SIDT1: variants seen among roughly 807,000 people sequenced by gnomAD.
The protein encoded by SIDT1 is SID1 transmembrane family member 1.
Under a neutral mutation model 107.5 loss-of-function variants are expected in SIDT1, and 101 were observed. The ratio of observed to expected loss-of-function variants is 0.94; its 90% confidence interval spans 0.80 to 1.11. The LOEUF (loss-of-function observed/expected upper bound fraction) is 1.11, where lower values mean the gene tolerates loss of function less well. Ranked by LOEUF, SIDT1 falls within the 50% of genes least tolerant of loss-of-function variation. The pLI, the probability that SIDT1 is intolerant of heterozygous loss-of-function variation, is 0.00. For missense variants in SIDT1, 1,076 were observed against 1,058.2 expected (o/e 1.02, Z -0.23); for synonymous variants, 395 against 398.2 (o/e 0.99, Z 0.10).
chr3:113,626,865 A>G lies in SIDT1; in HGVS notation c.2421+650A>G, dbSNP rs536197644. On this transcript the variant is annotated intron_variant, in intron 24 of 24. Coordinates refer to ENST00000264852, the MANE Select transcript of SIDT1 (RefSeq NM_017699.3). ...GGTTCAATTGACAATTAACAACCCT[A>G]CTAGACTCCCGGGCTCCAGACCTAC... Among the ~76,000 whole-genome samples the G allele has an allele frequency of 1.5e-3, 230 of 152,236 alleles. 1 individual carries two copies. Among genetic ancestry groups the G allele is most frequent in the African/African-American group, 5.1e-3 (213 of 41,530 alleles).
rs117646590 is a variant in SIDT1 at position 113,580,970 on chromosome 3, T to C, written c.663+261T>C. Among the ~76,000 whole-genome samples the C allele has an allele frequency of 7.6e-4, 116 of 152,294 alleles. 1 individual carries two copies. The East Asian group carries it at 0.02, about 27-fold the overall frequency. On this transcript the variant is annotated intron_variant, in intron 5 of 24. Coordinates refer to ENST00000264852, the MANE Select transcript of SIDT1 (RefSeq NM_017699.3). ...GGAGGGAGGAAGCAGGGAAGGATTG[T>C]AACAAGGAACCAGGAAGACCAAGTT...
chr3:113,538,625 T>A (rs572841303), intron 1 of SIDT1, among the ~76,000 whole-genome samples: 1 of 152,362 alleles, frequency 6.6e-6, no homozygotes, highest in South Asian at 2.1e-4. Flanking sequence ...CTTTACCATT[T>A]TAATGTAGTT....
chr3:113,606,710 T>C (rs1162897739), intron 14 of SIDT1: 3 of 203,568 alleles, frequency 1.5e-5, no homozygotes, highest in Admixed American at 1.1e-4. Context: ...TAAGACATAG[T>C]GTGACAGTCC....
chr3:113,613,824 A>G (rs1463599511), intron 19 of SIDT1, among the ~76,000 whole-genome samples: 2 of 152,248 alleles, frequency 1.3e-5, no homozygotes, highest in Non-Finnish European at 2.9e-5. Context: ...GCCTTATGCA[A>G]TTTTGCAATG....
At chr3:113,615,964 A>G in intron 19 of SIDT1, 136 bp from the exon 20 acceptor site, 1 of 726,802 alleles carries the variant, frequency 1.4e-6, no homozygotes, top group East Asian at 2.5e-5. Context: ...TTGCGCACCT[A>G]TTAGGTGCAA....
chr3:113,632,472 AC>A (rs2107896032), downstream of SIDT1, among the ~76,000 whole-genome samples: 1 of 152,350 alleles, frequency 6.6e-6, no homozygotes, highest in African/African-American at 2.4e-5. Context: ...CTTTGAGGAA[AC>A]AGGACATATT....
In SIDT1 at chr3:113,626,110, G is replaced by A. The variant is rs769723872; in HGVS notation, c.2316G>A (p.Pro772=). ...FQNLSSWEGT[P]AESREKNREC... Reference sequence around the variant, plus strand: ...GCCTCACCTTCCTCCAGGGAACTCCGGCCGAATCCCGGGAGAAGAACCGCG... The same window carrying A: ...GCCTCACCTTCCTCCAGGGAACTCCAGCCGAATCCCGGGAGAAGAACCGCG... Residue 772 remains proline, a synonymous_variant, in exon 24 of 25, where the codon CCG becomes CCA. Transcript: ENST00000264852. 1.9e-5 allele frequency: 31 copies of A among 1,613,420 alleles called. No homozygotes were observed. Among genetic ancestry groups the A allele is most frequent in the South Asian group, 3.3e-5 (3 of 91,070 alleles).
At chr3:113,549,048 C>T (rs1939917877) in intron 1 of SIDT1, among the ~76,000 whole-genome samples, 1 of 152,108 alleles carries the variant, frequency 6.6e-6, no homozygotes. Flanking sequence ...AAATGTAAAA[C>T]ATTAAGGTTC....
chr3:113,606,938 G>A, intron 14 of SIDT1, 103 bp from the exon 15 acceptor site: 1 of 742,738 alleles, frequency 1.3e-6, no homozygotes, highest in Non-Finnish European at 2.5e-6. Context: ...TTGTAAACTA[G>A]TGACAGTGCA....
chr3:113,569,115 G>A (rs1942204800), intron 3 of SIDT1, among the ~76,000 whole-genome samples: 1 of 137,504 alleles, frequency 7.3e-6, no homozygotes, highest in South Asian at 2.3e-4. Context: ...CTCCAGCCTG[G>A]GTGAAGGAGT....
intron 1 of SIDT1, among the ~76,000 whole-genome samples, chr3:113,556,939 C>T (rs1940939644): frequency 6.7e-6 from 1 of 149,256 alleles, no homozygotes; most frequent in Admixed American, 6.8e-5. Flanking sequence ...CCTGTCTCAG[C>T]CTTCCGAGTA....
intron 1 of SIDT1, among the ~76,000 whole-genome samples, chr3:113,556,433 G>T (rs1940864529): frequency 6.6e-6 from 1 of 152,186 alleles, no homozygotes; most frequent in Non-Finnish European, 1.5e-5. Context: ...GAGCTGCTTT[G>T]CTCAGGGGCA....
At chr3:113,620,306 G>C (rs1347063900) in intron 21 of SIDT1, among the ~76,000 whole-genome samples, 1 of 150,776 alleles carries the variant, frequency 6.6e-6, no homozygotes, top group Non-Finnish European at 1.5e-5. Context: ...CATGGCCTTT[G>C]TTCCTCAAAT....
At chr3:113,550,386 G>A (rs1028804673) in intron 1 of SIDT1, among the ~76,000 whole-genome samples, 3 of 152,140 alleles carry the variant, frequency 2.0e-5, no homozygotes, top group Non-Finnish European at 2.9e-5. Flanking sequence ...AATAATCTCA[G>A]GTGCTAGAGG....
At chr3:113,553,139 CA>C (rs1216358552) in intron 1 of SIDT1, among the ~76,000 whole-genome samples, 5 of 152,170 alleles carry the variant, frequency 3.3e-5, no homozygotes, top group Non-Finnish European at 7.3e-5. Flanking sequence ...ATCTCTGCCA[CA>C]ATGTTCTTTC....
At position 113,609,361 on chromosome 3, in the gene SIDT1, C is replaced by T. The variant is rs567966557; in HGVS notation, c.1720+825C>T. Among the ~76,000 whole-genome samples the T allele has an allele frequency of 4.6e-5, 7 of 152,202 alleles. No individual in the cohort carries two copies. In the South Asian group the frequency reaches 1.2e-3, roughly 27 times the overall value. ...GATTACAGGCGTGAGCCACCACACC[C>T]GGCCCCATGAGCCCATTTTTGAATC... On this transcript the variant is annotated intron_variant, in intron 17 of 24. Coordinates refer to ENST00000264852, the MANE Select transcript of SIDT1 (RefSeq NM_017699.3).
intron 1 of SIDT1, among the ~76,000 whole-genome samples, chr3:113,543,976 G>A (rs193026694): frequency 2.6e-4 from 40 of 152,236 alleles, no homozygotes; most frequent in Admixed American, 1.6e-3. Flanking sequence ...CCATTGAACA[G>A]TTATCCAAAT....
At chr3:113,589,970 T>C (rs1257547523) in intron 9 of SIDT1, 2 of 152,810 alleles carry the variant, frequency 1.3e-5, no homozygotes, top group East Asian at 3.8e-4. Flanking sequence ...TGATAGAGCT[T>C]ACATTTTACA....
chr3:113,556,186 CT>C (rs1940838618), intron 1 of SIDT1, among the ~76,000 whole-genome samples: 1 of 152,184 alleles, frequency 6.6e-6, no homozygotes, highest in African/African-American at 2.4e-5. Flanking sequence ...ATATATCTTT[CT>C]TTATTATGCC....
Sources: allele counts gnomAD v4.1 joint callset (sites outside exome capture counted in the v4.1 genomes callset), GRCh38; gene constraint gnomAD v4.1.1; transcripts MANE v1.5; gene names NCBI Gene and HGNC (gene_info 2026-07-23, HGNC 2026-07-21).